Variants in SPG7 observed in about 807,000 individuals in gnomAD.
SPG7 encodes mitochondrial inner membrane m-AAA protease component paraplegin.
In SPG7, 103 loss-of-function variants were observed where a neutral mutation model predicts 81.9. That is an observed-to-expected ratio of 1.26 (90% CI 1.07 to 1.48). The LOEUF (loss-of-function observed/expected upper bound fraction) is 1.48, where lower values mean the gene tolerates loss of function less well. Among genes scored for constraint, SPG7 ranks in the 40% most tolerant of loss-of-function variants. The probability of loss-of-function intolerance (pLI) is 0.00; values close to 1 mark genes in which losing one functional copy is unlikely to be tolerated. For missense variants in SPG7, 1,241 were observed against 1,087.3 expected, an observed-to-expected ratio of 1.14 and a Z score of -1.99; for synonymous variants, 534 against 444.2, an observed-to-expected ratio of 1.20 and a Z score of -2.54.
chr16:89,539,939 A>G (rs2058474057), intron 9 of SPG7: 2 of 152,204 alleles, frequency 1.3e-5, no homozygotes, highest in South Asian at 2.1e-4. Context: ...TAACGTCTAC[A>G]TGAAGTGGGA....
chr16:89,541,988 T>A (rs1299620161), intron 9 of SPG7: 1 of 148,544 alleles, frequency 6.7e-6, no homozygotes, highest in African/African-American at 2.5e-5. Context: ...TCCTAACACA[T>A]AGCGGCCCGG....
At chr16:89,527,586 G>A (rs749798087) in intron 5 of SPG7, among the ~76,000 whole-genome samples, 12 of 152,192 alleles carry the variant, frequency 7.9e-5, no homozygotes, top group Non-Finnish European at 1.5e-4. Flanking sequence ...AAAATGGAAC[G>A]GGAAAAGGGT....
intron 5 of SPG7, chr16:89,527,342 C>T (rs952917702): frequency 6.6e-6 from 1 of 152,370 alleles, no homozygotes; most frequent in Non-Finnish European, 1.5e-5. Flanking sequence ...TGACTGTGCT[C>T]TTTGATGAAA....
At chr16:89,554,725 A>G (rs1248402337) in intron 16 of SPG7, 162 bp downstream of exon 16, 1 of 643,564 alleles carries the variant, frequency 1.6e-6, no homozygotes, top group East Asian at 2.8e-5. Context: ...TACGTGTTCC[A>G]TACTTTTTAT....
At chr16:89,547,030 T>G in intron 11 of SPG7, 1 of 434,272 alleles carries the variant, frequency 2.3e-6, no homozygotes, top group Non-Finnish European at 4.3e-6. Context: ...GTTATGTTGC[T>G]TCCACACAGT....
At chr16:89,544,456 G>A (rs954498359) in intron 9 of SPG7, 192 bp from the exon 10 acceptor site, 2 of 635,046 alleles carry the variant, frequency 3.1e-6, no homozygotes, top group African/African-American at 1.8e-5. Flanking sequence ...GCAAATTCCT[G>A]TTCCTCCTGG....
intron 16 of SPG7, 155 bp from the exon 17 acceptor site, chr16:89,556,732 G>T: frequency 1.4e-6 from 1 of 704,324 alleles, no homozygotes; most frequent in Non-Finnish European, 2.6e-6. Context: ...TTCTTCTTTC[G>T]GAGCTGCCTC....
intron 1 of SPG7, chr16:89,508,883 C>G (rs766322234): frequency 1.1e-5 from 7 of 629,728 alleles, no homozygotes; most frequent in South Asian, 1.1e-4. Flanking sequence ...GCCCGTCTTC[C>G]TCGCCTTTTA....
intron 4 of SPG7, among the ~76,000 whole-genome samples, chr16:89,525,605 T>G (rs770801986): frequency 6.6e-6 from 1 of 151,862 alleles, no homozygotes; most frequent in African/African-American, 2.4e-5. Context: ...CCCTTTGGGG[T>G]GTTGCCGTCC....
intron 7 of SPG7, 114 bp downstream of exon 7, chr16:89,530,922 G>GT: frequency 6.9e-7 from 1 of 1,442,526 alleles, no homozygotes; most frequent in South Asian, 1.2e-5. Flanking sequence ...TGGGTTGGCG[G>GT]TGACCTCTAC....
chr16:89,522,061 T>G (rs1248163006), intron 3 of SPG7: 1 of 152,228 alleles, frequency 6.6e-6, no homozygotes, highest in Non-Finnish European at 1.5e-5. Flanking sequence ...TTCTAACAAT[T>G]GGATACTCAC....
chr16:89,550,281 T>C (rs2058619657), intron 12 of SPG7: 1 of 524,586 alleles, frequency 1.9e-6, no homozygotes, highest in Admixed American at 2.6e-5. Flanking sequence ...CAAGTGATTC[T>C]CTTGCCTCAG....
intron 9 of SPG7, among the ~76,000 whole-genome samples, chr16:89,542,654 C>T (rs1036456820): frequency 6.6e-6 from 1 of 152,150 alleles, no homozygotes; most frequent in Non-Finnish European, 1.5e-5. Context: ...CTGGCGGCTA[C>T]GGCTTAGTGA....
chr16:89,537,265 G>C, intron 9 of SPG7: 2 of 1,363,064 alleles, frequency 1.5e-6, no homozygotes, highest in Non-Finnish European at 1.9e-6. Flanking sequence ...GGTCCATGGC[G>C]GTGTCCTGCG....
chr16:89,526,783 A>G (rs1028449999), intron 5 of SPG7: 14 of 367,908 alleles, frequency 3.8e-5, no homozygotes, highest in Non-Finnish European at 5.7e-5. Flanking sequence ...CCCCCGACGT[A>G]AGATGCCGAA....
intron 6 of SPG7, chr16:89,530,084 C>T (rs890526329): frequency 4.1e-5 from 11 of 270,546 alleles, no homozygotes; most frequent in East Asian, 9.9e-5. Flanking sequence ...GGTGATCCTC[C>T]CGCCTCAGCC....
intron 16 of SPG7, chr16:89,555,707 T>G (rs992154678): frequency 2.5e-6 from 1 of 397,258 alleles, no homozygotes; most frequent in African/African-American, 2.1e-5. Flanking sequence ...TGCGATTGTC[T>G]GATGTGTTTC....
chr16:89,532,780 A>AG, intron 9 of SPG7, 144 bp downstream of exon 9: 1 of 990,890 alleles, frequency 1.0e-6, no homozygotes. Context: ...AAGAAAAAAA[A>AG]AAAATAGAAA....
chr16:89,540,516 T>C (rs2058480814), intron 9 of SPG7: 1 of 152,084 alleles, frequency 6.6e-6, no homozygotes, highest in African/African-American at 2.4e-5. Context: ...AGCCTGGCAG[T>C]TCGAGGCTAC....
Sources: allele counts gnomAD v4.1 joint callset (sites outside exome capture counted in the v4.1 genomes callset), GRCh38; gene constraint gnomAD v4.1.1; transcripts MANE v1.5; gene names NCBI Gene and HGNC (gene_info 2026-07-23, HGNC 2026-07-21).